ATP8A2: variants seen among roughly 807,000 people sequenced by gnomAD.
The protein encoded by ATP8A2 is ATPase phospholipid transporting 8A2.
In ATP8A2, 100 loss-of-function variants were observed where a neutral mutation model predicts 165.6. The observed-to-expected ratio is 0.60, with a 90% CI of 0.51 to 0.71. The LOEUF (loss-of-function observed/expected upper bound fraction) is 0.71, where lower values mean the gene tolerates loss of function less well. ATP8A2 is among the 30% of genes least tolerant of loss of function. The pLI is 0.00. For missense variants in ATP8A2, 1,227 were observed against 1,479.5 expected (o/e 0.83, Z 2.80); for synonymous variants, 543 against 548.8 (o/e 0.99, Z 0.15).
intron 36 of ATP8A2, among the ~76,000 whole-genome samples, chr13:26,013,915 C>T (rs1419554401): frequency 6.6e-6 from 1 of 152,176 alleles, no homozygotes; most frequent in East Asian, 1.9e-4. Flanking sequence ...GACTGACATG[C>T]TTCTGTCCTT....
At position 25,963,562 on chromosome 13, in the gene ATP8A2, T is replaced by C. The variant is rs936430348; in HGVS notation, c.3272+1899T>C. On this transcript the variant is annotated intron_variant, in intron 34 of 36. Transcript: ENST00000381655. ...CAAAGATAAGTCAGTTTTAGATAAATAGGCCACATCAGCTGGCCTTTTCTA... is the reference window on the plus strand; with the variant it reads ...CAAAGATAAGTCAGTTTTAGATAAACAGGCCACATCAGCTGGCCTTTTCTA... Among the ~76,000 whole-genome samples, 3 of 152,242 alleles carry C rather than the reference T, an allele frequency of 2.0e-5. No homozygotes were observed. In the East Asian group the frequency reaches 5.8e-4, roughly 29 times the overall value.
intron 33 of ATP8A2, among the ~76,000 whole-genome samples, chr13:25,917,003 T>G (rs1388065111): frequency 6.6e-6 from 1 of 152,196 alleles, no homozygotes; most frequent in Non-Finnish European, 1.5e-5. Flanking sequence ...ATCCTTATCA[T>G]CAGTCCAATT....
intron 15 of ATP8A2, among the ~76,000 whole-genome samples, chr13:25,560,687 G>A (rs2039117469): frequency 8.5e-6 from 1 of 118,096 alleles, no homozygotes; most frequent in Non-Finnish European, 1.7e-5. Context: ...GTGACAGAGT[G>A]AGACTCTTGT....
At chr13:25,893,421 G>A (rs904214568) in intron 33 of ATP8A2, among the ~76,000 whole-genome samples, 5 of 151,892 alleles carry the variant, frequency 3.3e-5, no homozygotes, top group African/African-American at 1.2e-4. Flanking sequence ...TGGTGTATAT[G>A]TGCCACATTT....
At chr13:25,711,225 G>C (rs2043152066) in intron 25 of ATP8A2, among the ~76,000 whole-genome samples, 1 of 152,068 alleles carries the variant, frequency 6.6e-6, no homozygotes, top group South Asian at 2.1e-4. Context: ...GGCTGGTCAC[G>C]AACTCCTGAC....
chr13:25,526,213 C>A (rs2037836138), intron 2 of ATP8A2, among the ~76,000 whole-genome samples: 1 of 151,910 alleles, frequency 6.6e-6, no homozygotes, highest in South Asian at 2.1e-4. Context: ...TCTGTGTTAT[C>A]TTGAAAATCA....
At chr13:25,551,264 T>G (rs2038812849) in intron 10 of ATP8A2, 74 bp from the exon 11 acceptor site, 2 of 1,406,176 alleles carry the variant, frequency 1.4e-6, no homozygotes, top group Non-Finnish European at 1.9e-6. Context: ...TATGGTTGTT[T>G]TACCTCCTTT....
chr13:25,779,367 C>T (rs960582531), intron 27 of ATP8A2, among the ~76,000 whole-genome samples: 1 of 113,028 alleles, frequency 8.8e-6, no homozygotes, highest in African/African-American at 3.4e-5. Context: ...GCTTCAGAGC[C>T]TTGCAGGGCA....
At chr13:25,792,397 T>A (rs2045202361) in intron 27 of ATP8A2, among the ~76,000 whole-genome samples, 1 of 152,194 alleles carries the variant, frequency 6.6e-6, no homozygotes, top group African/African-American at 2.4e-5. Flanking sequence ...CTTTAATATG[T>A]CTCATCAAGC....
chr13:25,576,675 A>G (rs1296378764), intron 19 of ATP8A2, among the ~76,000 whole-genome samples: 1 of 152,118 alleles, frequency 6.6e-6, no homozygotes, highest in African/African-American at 2.4e-5. Flanking sequence ...AGTTAAGTGG[A>G]TCTATACTGA....
In ATP8A2 at chr13:25,804,527, C is replaced by T. The variant is rs528241195; in HGVS notation, c.2680-23591C>T. Among the ~76,000 whole-genome samples, 9 of 152,272 alleles carry T rather than the reference C, an allele frequency of 5.9e-5. No individual in the cohort carries two copies. In the South Asian group the frequency reaches 8.3e-4, roughly 14 times the overall value. Reference sequence around the variant, plus strand: ...ATAGAGAAAAACAATTGTTTCTACACGTACAGGACTAGAATGTGTGGCTAG... The same window carrying T: ...ATAGAGAAAAACAATTGTTTCTACATGTACAGGACTAGAATGTGTGGCTAG... On this transcript the variant is annotated intron_variant, in intron 27 of 36. Transcript: ENST00000381655.
chr13:25,392,977 G>A (rs2033300300), intron 1 of ATP8A2, among the ~76,000 whole-genome samples: 1 of 151,844 alleles, frequency 6.6e-6, no homozygotes, highest in South Asian at 2.1e-4. Flanking sequence ...AGGTTGACAT[G>A]TCCCTCCAAA....
At chr13:25,376,483 A>G (rs943945315) in intron 1 of ATP8A2, among the ~76,000 whole-genome samples, 1 of 152,228 alleles carries the variant, frequency 6.6e-6, no homozygotes, top group Non-Finnish European at 1.5e-5. Flanking sequence ...AAGAGAATTG[A>G]ATTCAGGTTT....
At chr13:25,418,872 A>G (rs549376454) in intron 1 of ATP8A2, among the ~76,000 whole-genome samples, 1 of 152,296 alleles carries the variant, frequency 6.6e-6, no homozygotes, top group South Asian at 2.1e-4. Flanking sequence ...AGTTTGTAAG[A>G]GGGAATTCAT....
intron 28 of ATP8A2, among the ~76,000 whole-genome samples, chr13:25,834,517 GAATGGCTAAAAAA>G (rs1442294724): frequency 6.6e-6 from 1 of 152,134 alleles, no homozygotes; most frequent in African/African-American, 2.4e-5. Flanking sequence ...GTCAGTGGGT[GAATGGCTAAAAAA>G]AATGGCACAT....
At chr13:26,001,026 C>T (rs1057031857) in intron 35 of ATP8A2, among the ~76,000 whole-genome samples, 6 of 152,190 alleles carry the variant, frequency 3.9e-5, no homozygotes, top group African/African-American at 1.4e-4. Context: ...CGCAGTCCTT[C>T]CCACTTCCTT....
chr13:25,566,471 G>T (rs573538438), intron 16 of ATP8A2, among the ~76,000 whole-genome samples: 45 of 152,312 alleles, frequency 3.0e-4, no homozygotes, highest in African/African-American at 1.0e-3. Flanking sequence ...CAGGTTGAGG[G>T]TAACCACAAA....
intron 27 of ATP8A2, among the ~76,000 whole-genome samples, chr13:25,817,353 G>A (rs12584128): frequency 6.7e-5 from 5 of 74,492 alleles, no homozygotes; most frequent in Non-Finnish European, 1.4e-4. Flanking sequence ...TCTTTTATGG[G>A]GGGGGGGGGA....
At chr13:25,715,810 T>C (rs1472001343) in intron 25 of ATP8A2, among the ~76,000 whole-genome samples, 2 of 152,180 alleles carry the variant, frequency 1.3e-5, no homozygotes, top group African/African-American at 4.8e-5. Context: ...TTCTCTTGGG[T>C]ATATACCTAG....
Sources: gnomAD v4.1 joint callset for allele counts (sites outside exome capture counted in the v4.1 genomes callset) on GRCh38, gnomAD v4.1.1 for gene constraint, MANE v1.5 for transcripts, NCBI Gene and HGNC (gene_info 2026-07-23, HGNC 2026-07-21) for gene names.